The following ERAP1 variants were observed in gnomAD, a reference collection of about 807,000 sequenced individuals.
The protein encoded by ERAP1 is endoplasmic reticulum aminopeptidase 1, also known as adipocyte-derived leucine aminopeptidase.
A neutral mutation model predicts 103.7 loss-of-function variants in ERAP1; 86 were observed. The observed-to-expected ratio is 0.83, with a 90% CI of 0.70 to 0.99. ERAP1 has a LOEUF of 0.99. Among genes scored for constraint, ERAP1 ranks in the 50% least tolerant of loss-of-function variants. The pLI, the probability that ERAP1 is intolerant of heterozygous loss-of-function variation, is 0.00. For missense variants in ERAP1, 1,009 were observed against 1,128.4 expected (o/e 0.89, Z 1.52); for synonymous variants, 398 against 402.4 (o/e 0.99, Z 0.13).
At chr5:96,893,413 C>A in the ERAP1 span, among the ~76,000 whole-genome samples, 1 of 152,168 alleles carries the variant, frequency 6.6e-6, no homozygotes, top group Admixed American at 6.5e-5. Flanking sequence ...CTCTGTTACA[C>A]AGAGAGCCAT....
the ERAP1 span, among the ~76,000 whole-genome samples, chr5:96,924,293 GTGC>G: frequency 2.0e-5 from 3 of 152,204 alleles, no homozygotes; most frequent in African/African-American, 7.2e-5. Flanking sequence ...TCCATAAATG[GTGC>G]TGACTGACTG....
At chr5:96,922,190 C>T in the ERAP1 span, among the ~76,000 whole-genome samples, 1 of 152,054 alleles carries the variant, frequency 6.6e-6, no homozygotes, top group African/African-American at 2.4e-5. Context: ...CCCAGCTACT[C>T]GGGAGGCTGA....
At chr5:96,895,612 G>C in the ERAP1 span, among the ~76,000 whole-genome samples, 1 of 152,214 alleles carries the variant, frequency 6.6e-6, no homozygotes, top group African/African-American at 2.4e-5. Flanking sequence ...GTAGAACTGT[G>C]TATGTGGGTT....
At chr5:96,772,565 G>A (rs952969099), downstream of ERAP1, 1 of 152,648 alleles carries the variant, frequency 6.6e-6, no homozygotes, top group Non-Finnish European at 1.5e-5. Context: ...TTGCTAAGTG[G>A]TATATTTACT....
At chr5:96,797,363 A>G in intron 3 of ERAP1, 54 bp from the exon 4 acceptor site, 1 of 1,584,402 alleles carries the variant, frequency 6.3e-7, no homozygotes, top group South Asian at 1.1e-5. Context: ...AATACAGTGA[A>G]CATGATAAAT....
chr5:96,900,245 A>T, the ERAP1 span: 1 of 1,609,034 alleles, frequency 6.2e-7, no homozygotes, highest in Non-Finnish European at 8.5e-7. Flanking sequence ...CCTGACCTAG[A>T]GTGAGTATGA....
At chr5:96,904,149 G>A in the ERAP1 span, among the ~76,000 whole-genome samples, 2 of 152,174 alleles carry the variant, frequency 1.3e-5, no homozygotes, top group East Asian at 3.8e-4. Flanking sequence ...CGTTTGTAGG[G>A]AAATGAAGTA....
In ERAP1 at chr5:96,776,054, AAC is replaced by A; in HGVS notation, c.*340_*341del. 1 of 1,206,152 alleles carries A rather than the reference AAC, an allele frequency of 8.3e-7. No individual in the cohort carries two copies. The highest frequency in any genetic ancestry group is 1.1e-6 in the Non-Finnish European group (1 of 950,628). 74.7% of individuals were successfully genotyped at this position (1,206,152 alleles called of 1,614,324 possible). Reference sequence around the variant, plus strand: ...CAGAGTCTTTCGAGGAGACTGATGAAACAGTTTATGAATGATAAACATGGGGT... The same window carrying A: ...CAGAGTCTTTCGAGGAGACTGATGAAAGTTTATGAATGATAAACATGGGGT... On this transcript the variant is annotated 3_prime_UTR_variant, in exon 19 of 19. Coordinates refer to ENST00000443439, the MANE Select transcript of ERAP1 (RefSeq NM_001040458.3).
At chr5:96,855,150 A>G in the ERAP1 span, among the ~76,000 whole-genome samples, 1 of 152,200 alleles carries the variant, frequency 6.6e-6, no homozygotes, top group Non-Finnish European at 1.5e-5. Flanking sequence ...AACCCACATA[A>G]CTTCCACTGA....
chr5:96,829,963 C>A, the ERAP1 span, among the ~76,000 whole-genome samples: 2 of 152,144 alleles, frequency 1.3e-5, no homozygotes, highest in Admixed American at 6.5e-5. Flanking sequence ...CCTCTGACAA[C>A]AACTAAAAAA....
the ERAP1 span, among the ~76,000 whole-genome samples, chr5:96,896,088 A>C: frequency 6.6e-6 from 1 of 152,202 alleles, no homozygotes. Flanking sequence ...AGTATTCACT[A>C]AATGGAAACC....
the ERAP1 span, among the ~76,000 whole-genome samples, chr5:96,894,504 C>A: frequency 2.8e-5 from 3 of 106,200 alleles, no homozygotes; most frequent in African/African-American, 1.1e-4. Context: ...GAGACATACA[C>A]TAGATGTGCA....
the ERAP1 span, chr5:96,909,061 T>C: frequency 6.2e-7 from 1 of 1,614,208 alleles, no homozygotes. Flanking sequence ...TTACTTGGAA[T>C]CGTTTTACCA....
chr5:96,854,753 T>C, the ERAP1 span, among the ~76,000 whole-genome samples: 3 of 152,342 alleles, frequency 2.0e-5, no homozygotes, highest in African/African-American at 7.2e-5. Flanking sequence ...ATTCCAACCC[T>C]TGTGGCCTTT....
At chr5:96,795,541 T>C (rs547350340) in intron 4 of ERAP1, among the ~76,000 whole-genome samples, 1 of 152,300 alleles carries the variant, frequency 6.6e-6, no homozygotes, top group East Asian at 1.9e-4. Context: ...TCTTATGTCA[T>C]TGAAGGACTC....
At chr5:96,806,866 A>G (rs1471629660) in intron 1 of ERAP1, among the ~76,000 whole-genome samples, 4 of 148,548 alleles carry the variant, frequency 2.7e-5, no homozygotes, top group Admixed American at 6.7e-5. Flanking sequence ...AAAAAAAAGT[A>G]CTAGAATGTT....
the ERAP1 span, among the ~76,000 whole-genome samples, chr5:96,858,340 G>A: frequency 4.8e-4 from 72 of 151,288 alleles, 1 homozygote; most frequent in African/African-American, 1.6e-3. Flanking sequence ...TCAGCTTCCC[G>A]AATAGCTGGG....
At chr5:96,854,336 T>G in the ERAP1 span, among the ~76,000 whole-genome samples, 1 of 152,146 alleles carries the variant, frequency 6.6e-6, no homozygotes, top group Non-Finnish European at 1.5e-5. Context: ...CTCAAGTATG[T>G]AAACATACTT....
the ERAP1 span, among the ~76,000 whole-genome samples, chr5:96,844,748 T>C: frequency 6.6e-6 from 1 of 152,220 alleles, no homozygotes; most frequent in African/African-American, 2.4e-5. Context: ...AAACAAACCT[T>C]ATCTTCAGTA....
Sources: allele counts gnomAD v4.1 joint callset (sites outside exome capture counted in the v4.1 genomes callset), GRCh38; gene constraint gnomAD v4.1.1; transcripts MANE v1.5; gene names NCBI Gene and HGNC (gene_info 2026-07-23, HGNC 2026-07-21).